The following SLC2A6 variants were observed in gnomAD, a reference collection of about 807,000 sequenced individuals.
SLC2A6 encodes solute carrier family 2, facilitated glucose transporter member 6.
Under a neutral mutation model 47.8 loss-of-function variants are expected in SLC2A6, and 39 were observed. That is an observed-to-expected ratio of 0.82 (90% CI 0.63 to 1.07). SLC2A6 has a LOEUF of 1.07. SLC2A6 is among the 50% of genes least tolerant of loss of function. The pLI is 0.00. For synonymous variants in SLC2A6, 346 were observed against 324.1 expected, an observed-to-expected ratio of 1.07 and a Z score of -0.73; for missense variants, 650 against 707.6, an observed-to-expected ratio of 0.92 and a Z score of 0.92.
rs1300847947 is a variant in SLC2A6, at chr9:133,471,536, T to C, written c.*485A>G. The C allele has an allele frequency of 6.5e-6, 1 of 153,654 alleles. No individual in the cohort carries two copies. The highest frequency in any genetic ancestry group is 1.5e-5 in the Non-Finnish European group (1 of 68,830). 9.5% of individuals were successfully genotyped at this position (153,654 alleles called of 1,614,324 possible). Reference sequence around the variant, plus strand: ...CTGTGCCCGGCCTGCCCTGGCTTTTTAAGTCCAGGATGTTCCCTGTGGTGC... The same window carrying C: ...CTGTGCCCGGCCTGCCCTGGCTTTTCAAGTCCAGGATGTTCCCTGTGGTGC... On this transcript the variant is annotated 3_prime_UTR_variant, in exon 10 of 10. Coordinates refer to ENST00000371899, the MANE Select transcript of SLC2A6 (RefSeq NM_017585.4).
rs1843851117 is a variant in SLC2A6, at chr9:133,474,106, C to A, written c.928-18G>T. ...TTGGGGGGCTATCGGGGGGAGACCA[C>A]CAGGGCTGAGGGACCTGCCTGCTGT... On this transcript the variant is annotated intron_variant, in intron 6 of 9. Coordinates refer to ENST00000371899, the MANE Select transcript of SLC2A6 (RefSeq NM_017585.4). 1 of 1,575,742 alleles carries A rather than the reference C, an allele frequency of 6.3e-7. No individual in the cohort carries two copies. Among genetic ancestry groups the A allele is most frequent in the East Asian group, 2.3e-5 (1 of 43,896 alleles).
rs587624998 is a variant in SLC2A6, at chr9:133,473,332, C to A, written c.1223-82G>T. On this transcript the variant is annotated intron_variant, in intron 8 of 9. Coordinates refer to ENST00000371899, the MANE Select transcript of SLC2A6 (RefSeq NM_017585.4). ...CTGTCTCCGCTGAGCTGCTGGAGAC[C>A]CCCCTCTCCAGCCACCCCAGACACA... 3.2e-5 allele frequency: 49 copies of A among 1,536,318 alleles called. No individual in the cohort carries two copies. The South Asian group carries it at 4.6e-4, about 14-fold the overall frequency.
At chr9:133,477,320 T>A (rs942082358) in intron 2 of SLC2A6, 79 bp from the exon 3 acceptor site, 3 of 1,396,664 alleles carry the variant, frequency 2.1e-6, no homozygotes, top group Non-Finnish European at 2.9e-6. Context: ...GGACAGCTTC[T>A]TCCCTAGGCC....
At chr9:133,478,536 A>C in intron 1 of SLC2A6, 120 bp from the exon 2 acceptor site, 6 of 1,122,656 alleles carry the variant, frequency 5.3e-6, no homozygotes, top group Non-Finnish European at 7.7e-6. Context: ...GCCTGGGTCC[A>C]AGGCCATTCA....
chr9:133,478,269 C>T lies in SLC2A6; in HGVS notation c.240G>A (p.Gln80=), dbSNP rs782553467. 1 of 1,614,002 alleles carries T rather than the reference C, an allele frequency of 6.2e-7. No individual in the cohort carries two copies. Among genetic ancestry groups the T allele is most frequent in the East Asian group, 2.2e-5 (1 of 44,880 alleles). The change falls in exon 2 of 10, where the codon CAG becomes CAA. Residue 80 remains glutamine (Q), a synonymous_variant. Coordinates refer to ENST00000371899, the MANE Select transcript of SLC2A6 (RefSeq NM_017585.4). ...LDPDLHLTKS[Q]ASWFGSVFTL... is the part of the protein sequence containing the mutation. ...TGGTCCTTACCCCAAACCAGGATGCCTGGGATTTGGTCAGATGCAGGTCAG... is the reference window on the plus strand; with the variant it reads ...TGGTCCTTACCCCAAACCAGGATGCTTGGGATTTGGTCAGATGCAGGTCAG...
rs1029997278 is a variant in SLC2A6, at chr9:133,474,082, TG to T, written c.933del (p.Lys312ArgfsTer16). 24 of 1,602,008 alleles carry T rather than the reference TG, an allele frequency of 1.5e-5. No individual in the cohort carries two copies. Among genetic ancestry groups the T allele is most frequent in the Non-Finnish European group, 1.8e-5 (21 of 1,175,866 alleles). On this transcript the variant is annotated frameshift_variant, in exon 7 of 10. Transcript: ENST00000371899. LOFTEE classifies it high-confidence loss of function. The stretch of plus-strand genomic sequence containing the variant: ...GCCCCAACGATGGCTGCGTCGTCCT[TG>T]GGGGGCTATCGGGGGGAGACCACCA... Reference protein sequence around the residue: ...IFDSTAVLLPPKDDAAIVGAV... With the variant: ...IFDSTAVLLPXKDDAAIVGAV...
chr9:133,473,076 G>T, intron 9 of SLC2A6, 29 bp downstream of exon 9: 9 of 1,587,078 alleles, frequency 5.7e-6, no homozygotes, highest in Non-Finnish European at 6.8e-6. Flanking sequence ...GAGGGCCTAG[G>T]GGCCTGGGGC....
intron 7 of SLC2A6, 70 bp downstream of exon 7, chr9:133,473,910 C>G: frequency 8.1e-7 from 1 of 1,227,056 alleles, no homozygotes; most frequent in Non-Finnish European, 1.1e-6. Flanking sequence ...CCGAGGCAGG[C>G]CTGCACACCC....
At chr9:133,476,901 C>T (rs1397385546) in intron 3 of SLC2A6, 134 bp downstream of exon 3, 4 of 1,010,794 alleles carry the variant, frequency 4.0e-6, no homozygotes, top group Non-Finnish European at 5.8e-6. Flanking sequence ...AGCTGAGGCG[C>T]CCTGGGCATC....
chr9:133,473,052 C>T, intron 9 of SLC2A6, 53 bp downstream of exon 9: 2 of 1,550,142 alleles, frequency 1.3e-6, no homozygotes, highest in Non-Finnish European at 1.7e-6. Context: ...TGAGAAGGGT[C>T]CTGGCCAGTC....
At chr9:133,474,165 C>G (rs1843854149) in intron 6 of SLC2A6, 77 bp from the exon 7 acceptor site, 1 of 1,174,558 alleles carries the variant, frequency 8.5e-7, no homozygotes, top group African/African-American at 1.5e-5. Flanking sequence ...CTTGTCCCGG[C>G]AGGCATTGCA....
chr9:133,474,126 T>TGCTGTTCCCATCCCCCTCCAGGACCCA (rs1554802644), intron 6 of SLC2A6, 38 bp from the exon 7 acceptor site: 31 of 1,492,306 alleles, frequency 2.1e-5, no homozygotes, highest in Non-Finnish European at 2.7e-5. Flanking sequence ...GGGACCTGCC[T>TGCTGTTCCCATCCCCCTCCAGGACCCA]GCTGTTCCCA....
chr9:133,475,317 C>T (rs1843900079), intron 5 of SLC2A6, 83 bp downstream of exon 5: 1 of 1,445,514 alleles, frequency 6.9e-7, no homozygotes, highest in Non-Finnish European at 9.2e-7. Context: ...GTGGTCCTGT[C>T]TTCCAGGAAA....
chr9:133,475,731 A>G, intron 4 of SLC2A6, 120 bp from the exon 5 acceptor site: 1 of 910,654 alleles, frequency 1.1e-6, no homozygotes, highest in Non-Finnish European at 1.6e-6. Context: ...CTCCTACAGG[A>G]AGCCTACCCT....
intron 2 of SLC2A6, among the ~76,000 whole-genome samples, chr9:133,477,459 G>A (rs1844001976): frequency 6.6e-6 from 1 of 152,238 alleles, no homozygotes; most frequent in Non-Finnish European, 1.5e-5. Flanking sequence ...GAGGTGCTGC[G>A]CCACATATCC....
chr9:133,478,501 CGGCT>C, intron 1 of SLC2A6, 85 bp from the exon 2 acceptor site: 2 of 1,515,350 alleles, frequency 1.3e-6, no homozygotes, highest in Non-Finnish European at 1.8e-6. Flanking sequence ...AGTGGCTGCC[CGGCT>C]CAGCGGGCAG....
chr9:133,478,377 G>A lies in SLC2A6; in HGVS notation c.132C>T (p.Ala44=), dbSNP rs782207942. The part of the protein sequence containing the change: ...QNKRVFLATF[A]AVLGNFSFGY... ...CAAAGCTGAAATTGCCGAGCACTGC[G>A]GCGAAGGTGGCCAGGAACACCCTTT... is the stretch of plus-strand genomic sequence containing the variant. Residue 44 remains alanine (A), a synonymous_variant, in exon 2 of 10, where the codon GCC becomes GCT. Transcript: ENST00000371899. 10 of 1,614,028 alleles carry A rather than the reference G, an allele frequency of 6.2e-6. No homozygotes were observed. The highest frequency in any genetic ancestry group is 3.3e-5 in the South Asian group (3 of 91,094).
At chr9:133,476,983 C>T in intron 3 of SLC2A6, 52 bp downstream of exon 3, 1 of 1,522,752 alleles carries the variant, frequency 6.6e-7, no homozygotes, top group Non-Finnish European at 8.9e-7. Context: ...GATGGAGGCT[C>T]AGCACCAATA....
Position 133,473,492 on chromosome 9 carries a change from T to C in SLC2A6, c.1145A>G (p.Asp382Gly). 1 of 1,603,174 alleles carries C rather than the reference T, an allele frequency of 6.2e-7. No individual in the cohort carries two copies. Among genetic ancestry groups the C allele is most frequent in the Non-Finnish European group, 8.5e-7 (1 of 1,176,616 alleles). ...TAGLESESWGDLAQPLAAPAG... is the reference protein window; with the variant it reads ...TAGLESESWGGLAQPLAAPAG... ...GGGTGCTGCCAGGGGCTGCGCCAAG[T>C]CCCCCCAGGACTCGCTTTCCAGGCC... Residue 382 changes from aspartate to glycine, a missense_variant, in exon 8 of 10, where the codon GAC becomes GGC. By Grantham distance (94) the Asp-to-Gly change is moderately conservative (BLOSUM62 -1). Transcript: ENST00000371899.
Sources: gnomAD v4.1 joint callset for allele counts (sites outside exome capture counted in the v4.1 genomes callset) on GRCh38, gnomAD v4.1.1 for gene constraint, MANE v1.5 for transcripts, NCBI Gene and HGNC (gene_info 2026-07-23, HGNC 2026-07-21) for gene names.